GTF2F2: variants seen among roughly 807,000 people sequenced by gnomAD.
GTF2F2 encodes ATP-dependent helicase GTF2F2.
A neutral mutation model predicts 42.2 loss-of-function variants in GTF2F2; 23 were observed. The observed-to-expected ratio is 0.55, with a 90% CI of 0.39 to 0.77. The LOEUF (loss-of-function observed/expected upper bound fraction) is 0.77. Ranked by LOEUF, GTF2F2 falls within the 30% of genes least tolerant of loss-of-function variation. The pLI, the probability that GTF2F2 is intolerant of heterozygous loss-of-function variation, is 0.00. For missense variants in GTF2F2, 261 were observed against 287.2 expected, an observed-to-expected ratio of 0.91 and a Z score of 0.66; for synonymous variants, 105 against 100.8, an observed-to-expected ratio of 1.04 and a Z score of -0.25.
At chr13:45,221,490 C>G (rs1874114465) in intron 5 of GTF2F2, among the ~76,000 whole-genome samples, 1 of 152,148 alleles carries the variant, frequency 6.6e-6, no homozygotes, top group Non-Finnish European at 1.5e-5. Context: ...CTGTACCCCC[C>G]AAAACTATAG....
At chr13:45,245,461 C>G (rs1875537193) in intron 5 of GTF2F2, among the ~76,000 whole-genome samples, 1 of 151,956 alleles carries the variant, frequency 6.6e-6, no homozygotes, top group Non-Finnish European at 1.5e-5. Flanking sequence ...TTCCTTACCT[C>G]TCCCACCACC....
chr13:45,176,782 TTTTTC>T (rs1871896866), intron 4 of GTF2F2, among the ~76,000 whole-genome samples: 1 of 152,080 alleles, frequency 6.6e-6, no homozygotes, highest in Non-Finnish European at 1.5e-5. Flanking sequence ...TTGTTTTTTC[TTTTTC>T]TTTTCTTCTT....
At chr13:45,142,480 T>C (rs935295850) in intron 2 of GTF2F2, among the ~76,000 whole-genome samples, 1 of 152,140 alleles carries the variant, frequency 6.6e-6, no homozygotes, top group African/African-American at 2.4e-5. Context: ...CAGAATTTCT[T>C]AAAAGGGAAT....
chr13:45,185,634 A>G (rs1825937538), intron 4 of GTF2F2, among the ~76,000 whole-genome samples: 1 of 152,224 alleles, frequency 6.6e-6, no homozygotes, highest in Admixed American at 6.5e-5. Flanking sequence ...AAGGTAATAT[A>G]TATGTTAATT....
At chr13:45,212,606 C>G (rs1358001838) in intron 5 of GTF2F2, among the ~76,000 whole-genome samples, 3 of 151,216 alleles carry the variant, frequency 2.0e-5, no homozygotes, top group Admixed American at 1.3e-4. Flanking sequence ...TGCTCTGTTT[C>G]CCAGGCTTAA....
chr13:45,198,435 A>G (rs962567918), intron 4 of GTF2F2, among the ~76,000 whole-genome samples: 15 of 152,240 alleles, frequency 9.9e-5, no homozygotes, highest in African/African-American at 3.6e-4. Flanking sequence ...CCTAGACTTA[A>G]CAGATCATTC....
At chr13:45,193,693 G>C in intron 4 of GTF2F2, 1 of 1,157,414 alleles carries the variant, frequency 8.6e-7, no homozygotes, top group South Asian at 1.5e-5. Flanking sequence ...GTAGTACAGA[G>C]CTAGCTGGGC....
At chr13:45,191,224 A>AAAAAAATATATATATATATAT in intron 4 of GTF2F2, among the ~76,000 whole-genome samples, 3 of 75,310 alleles carry the variant, frequency 4.0e-5, no homozygotes, top group East Asian at 3.0e-4. Context: ...ACAAAAAAAA[A>AAAAAAATATATATATATATAT]ATATATATAT....
Position 45,168,444 on chromosome 13 carries a change from C to T in GTF2F2, c.304+16613C>T, listed in dbSNP as rs1871408959. 2.6e-5 allele frequency among the ~76,000 whole-genome samples: 4 copies of T among 152,208 alleles called. No homozygotes were observed. In the South Asian group the frequency reaches 8.3e-4, roughly 32 times the overall value. On this transcript the variant is annotated intron_variant, in intron 4 of 7. Coordinates refer to ENST00000340473, the MANE Select transcript of GTF2F2 (RefSeq NM_004128.3). ...CAGGAGTTGTTAGTTGATAAACACC[C>T]AGCTCCTTTAATCCTCAGGTAGGGT...
chr13:45,216,612 G>A (rs1873900228), intron 5 of GTF2F2, among the ~76,000 whole-genome samples: 1 of 152,048 alleles, frequency 6.6e-6, no homozygotes, highest in Admixed American at 6.5e-5. Flanking sequence ...TGTGCCCCTG[G>A]GTTCAAGCAG....
chr13:45,231,819 A>G lies in GTF2F2; in HGVS notation c.387-21052A>G, dbSNP rs143704567. On this transcript the variant is annotated intron_variant, in intron 5 of 7. Coordinates refer to ENST00000340473, the MANE Select transcript of GTF2F2 (RefSeq NM_004128.3). ...CATTGGTAGCCACATACTGCCAGGT[A>G]TTTCCCATCTATTTTTCTAGCATTT... is the stretch of plus-strand genomic sequence containing the variant. 1.2e-3 allele frequency among the ~76,000 whole-genome samples: 180 copies of G among 152,178 alleles called. 2 individuals carry two copies. Among genetic ancestry groups the G allele is most frequent in the African/African-American group, 4.1e-3 (169 of 41,530 alleles).
chr13:45,183,364 G>A (rs1464370096), intron 4 of GTF2F2, among the ~76,000 whole-genome samples: 1 of 152,148 alleles, frequency 6.6e-6, no homozygotes, highest in East Asian at 1.9e-4. Context: ...TCATCAGCAG[G>A]CCTTTGCCAT....
chr13:45,157,966 G>A (rs1481349006), intron 4 of GTF2F2, among the ~76,000 whole-genome samples: 1 of 152,128 alleles, frequency 6.6e-6, no homozygotes, highest in Non-Finnish European at 1.5e-5. Context: ...ATATATCCAT[G>A]TTTCTGCCAG....
intron 6 of GTF2F2, among the ~76,000 whole-genome samples, chr13:45,264,137 T>C (rs1876463088): frequency 6.6e-6 from 1 of 152,200 alleles, no homozygotes; most frequent in Non-Finnish European, 1.5e-5. Flanking sequence ...AAACCAGTGA[T>C]ATACATGTTA....
intron 5 of GTF2F2, among the ~76,000 whole-genome samples, chr13:45,213,998 C>A (rs1459697554): frequency 2.6e-5 from 4 of 152,120 alleles, no homozygotes; most frequent in Non-Finnish European, 4.4e-5. Context: ...GGCTTTTCAT[C>A]AAAAAAGACC....
intron 4 of GTF2F2, among the ~76,000 whole-genome samples, chr13:45,165,331 AT>A (rs1555265772): frequency 0.026 from 3,543 of 136,878 alleles, 156 homozygotes; most frequent in African/African-American, 0.092. Flanking sequence ...ATATATATAT[AT>A]TTTTTTTTTC....
intron 5 of GTF2F2, among the ~76,000 whole-genome samples, chr13:45,211,374 G>GTTT (rs370469537): frequency 7.3e-6 from 1 of 136,838 alleles, no homozygotes; most frequent in Admixed American, 7.2e-5. Flanking sequence ...AATTTTTTTT[G>GTTT]TTTTTTTTTT....
chr13:45,274,667 G>A (rs1876951772), intron 7 of GTF2F2, among the ~76,000 whole-genome samples: 1 of 152,134 alleles, frequency 6.6e-6, no homozygotes, highest in Non-Finnish European at 1.5e-5. Context: ...CAGGCCAGAT[G>A]TGTTGGCTCA....
chr13:45,180,332 C>T (rs1030746578), intron 4 of GTF2F2, among the ~76,000 whole-genome samples: 1 of 152,074 alleles, frequency 6.6e-6, no homozygotes, highest in African/African-American at 2.4e-5. Context: ...TAAAAATATA[C>T]GTAGTTTCTT....
Sources: allele counts gnomAD v4.1 joint callset (sites outside exome capture counted in the v4.1 genomes callset), GRCh38; gene constraint gnomAD v4.1.1; transcripts MANE v1.5; gene names NCBI Gene and HGNC (gene_info 2026-07-23, HGNC 2026-07-21).